SIK3: variants seen among roughly 807,000 people sequenced by gnomAD.
SIK3 encodes SIK family kinase 3, also known as serine/threonine-protein kinase SIK3.
SIK3 carries 28 observed loss-of-function variants against 144.2 expected under a neutral mutation model. The observed-to-expected ratio is 0.19, with a 90% CI of 0.14 to 0.27. SIK3 has a LOEUF of 0.27. Among genes scored for constraint, SIK3 ranks in the 10% least tolerant of loss-of-function variants. SIK3 has a pLI of 1.00. For synonymous variants in SIK3, 686 were observed against 676.3 expected (o/e 1.01, Z -0.22); for missense variants, 1,319 against 1,776.0 (o/e 0.74, Z 4.62).
At chr11:117,016,539 C>A (rs1951551668) in intron 1 of SIK3, among the ~76,000 whole-genome samples, 1 of 151,488 alleles carries the variant, frequency 6.6e-6, no homozygotes, top group Admixed American at 6.6e-5. Flanking sequence ...TTGAGCTAAG[C>A]ACAGTGGTTC....
At chr11:116,883,079 G>A (rs1047443585) in intron 6 of SIK3, among the ~76,000 whole-genome samples, 6 of 152,146 alleles carry the variant, frequency 3.9e-5, no homozygotes, top group African/African-American at 7.2e-5. Context: ...TGTCCAGCTC[G>A]GGTACCAGCC....
intron 1 of SIK3, among the ~76,000 whole-genome samples, chr11:116,995,240 C>G (rs1163537712): frequency 1.3e-5 from 2 of 148,704 alleles, no homozygotes; most frequent in Admixed American, 1.3e-4. Flanking sequence ...GCACTCCAGC[C>G]TAGGCGACAG....
intron 1 of SIK3, among the ~76,000 whole-genome samples, chr11:116,979,896 T>C (rs1401160692): frequency 6.6e-6 from 1 of 151,976 alleles, no homozygotes; most frequent in Non-Finnish European, 1.5e-5. Flanking sequence ...GCATAAGGGA[T>C]CCTAAGATTT....
intron 1 of SIK3, among the ~76,000 whole-genome samples, chr11:117,019,641 A>T (rs1159488917): frequency 2.0e-5 from 3 of 151,400 alleles, no homozygotes; most frequent in African/African-American, 7.3e-5. Flanking sequence ...TTTGAGACAG[A>T]GTCTCGCTGT....
At chr11:117,031,716 T>C (rs1952273553) in intron 1 of SIK3, among the ~76,000 whole-genome samples, 1 of 132,244 alleles carries the variant, frequency 7.6e-6, no homozygotes. Flanking sequence ...TTTTTTTTTG[T>C]ATATTTAGTA....
At position 117,023,621 on chromosome 11, in the gene SIK3, A is replaced by AATAT. The variant is rs1555131639; in HGVS notation, c.274-66561_274-66558dup. Among the ~76,000 whole-genome samples, 305 of 95,334 alleles carry AATAT rather than the reference A, an allele frequency of 3.2e-3. 2 individuals are homozygous for AATAT. The highest frequency in any genetic ancestry group is 4.9e-3 in the South Asian group (13 of 2,646). The allele number at this position is 95,334 out of a possible 152,430, so 62.5% of individuals were successfully genotyped here. On this transcript the variant is annotated intron_variant, in intron 1 of 24. Coordinates refer to ENST00000445177, the MANE Select transcript of SIK3 (RefSeq NM_001366686.3). Reference sequence around the variant, plus strand: ...ACAAACAAACAAACAAAAAAAAAAAAATATATATATATATATATATATATT... The same window carrying AATAT: ...ACAAACAAACAAACAAAAAAAAAAAAATATATATATATATATATATATATATATT...
At chr11:116,908,372 G>C (rs1037952777) in intron 4 of SIK3, among the ~76,000 whole-genome samples, 1 of 152,084 alleles carries the variant, frequency 6.6e-6, no homozygotes, top group African/African-American at 2.4e-5. Context: ...CCAGCTACTC[G>C]AGAGGCTGAG....
At chr11:117,017,933 A>G (rs1157996826) in intron 1 of SIK3, among the ~76,000 whole-genome samples, 3 of 152,250 alleles carry the variant, frequency 2.0e-5, no homozygotes, top group African/African-American at 7.2e-5. Flanking sequence ...GATTTTAGAT[A>G]TAAATAAATC....
At chr11:116,965,742 T>C (rs1447203736) in intron 1 of SIK3, among the ~76,000 whole-genome samples, 1 of 4,128 alleles carries the variant, frequency 2.4e-4, no homozygotes, top group Admixed American at 3.1e-3. Flanking sequence ...AAAATATATA[T>C]ATATATATAT....
At chr11:116,938,607 A>G (rs3132826) in intron 3 of SIK3, among the ~76,000 whole-genome samples, 280 of 17,040 alleles carry the variant, frequency 0.016, 6 homozygotes, top group African/African-American at 0.047. Flanking sequence ...GGAGGAGAGG[A>G]GAGGAGAGGG....
chr11:116,925,060 C>T (rs1362117752), intron 4 of SIK3, among the ~76,000 whole-genome samples: 4 of 152,078 alleles, frequency 2.6e-5, no homozygotes, highest in East Asian at 3.9e-4. Context: ...GTGGGTGGAT[C>T]GCTGGAGACC....
chr11:116,933,446 C>T (rs1269272313), intron 3 of SIK3, among the ~76,000 whole-genome samples: 1 of 152,110 alleles, frequency 6.6e-6, no homozygotes, highest in Non-Finnish European at 1.5e-5. Flanking sequence ...GCCCCATTTG[C>T]TCCTTTTTAC....
chr11:117,030,089 T>TG (rs1426099548), intron 1 of SIK3, among the ~76,000 whole-genome samples: 1 of 152,042 alleles, frequency 6.6e-6, no homozygotes. Context: ...TTGGAAACCT[T>TG]GAGTGAAGGT....
At position 117,010,886 on chromosome 11, in the gene SIK3, G is replaced by A. The variant is rs111477802; in HGVS notation, c.274-53822C>T. 7.7e-3 allele frequency among the ~76,000 whole-genome samples: 1,167 copies of A among 152,250 alleles called. 14 individuals carry two copies. Among genetic ancestry groups the A allele is most frequent in the African/African-American group, 0.024 (1,000 of 41,524 alleles). ...TGTAATCCCAGCACTTTGGAAGGCC[G>A]AGGTGGCTGGGTCACTGGAGCTCTG... On this transcript the variant is annotated intron_variant, in intron 1 of 24. Transcript: ENST00000445177.
intron 1 of SIK3, among the ~76,000 whole-genome samples, chr11:117,087,193 A>C (rs924895583): frequency 5.9e-5 from 9 of 151,678 alleles, no homozygotes; most frequent in Non-Finnish European, 1.2e-4. Context: ...TAATACCACC[A>C]CTCTGAGAGG....
chr11:116,862,849 G>A (rs61907563), intron 16 of SIK3, among the ~76,000 whole-genome samples: 8,920 of 152,134 alleles, frequency 0.059, 367 homozygotes, highest in African/African-American at 0.11. Context: ...CGAGACGGGC[G>A]GATCACCTGA....
chr11:116,915,043 T>A (rs1168934813), intron 4 of SIK3, among the ~76,000 whole-genome samples: 5 of 152,048 alleles, frequency 3.3e-5, no homozygotes, highest in Non-Finnish European at 2.9e-5. Context: ...ATCATACAAG[T>A]GACCCACACT....
At chr11:116,871,177 C>A (rs1194934755) in intron 13 of SIK3, among the ~76,000 whole-genome samples, 1 of 152,214 alleles carries the variant, frequency 6.6e-6, no homozygotes, top group Non-Finnish European at 1.5e-5. Flanking sequence ...CCATCTGCAT[C>A]CTTGCTAGCT....
chr11:117,096,663 G>A (rs1955487712), intron 1 of SIK3, among the ~76,000 whole-genome samples: 2 of 152,160 alleles, frequency 1.3e-5, no homozygotes, highest in South Asian at 4.1e-4. Context: ...GCCCTCCAGA[G>A]GAAGTGAAAC....
Sources: gnomAD v4.1 joint callset for allele counts (sites outside exome capture counted in the v4.1 genomes callset) on GRCh38, gnomAD v4.1.1 for gene constraint, MANE v1.5 for transcripts, NCBI Gene and HGNC (gene_info 2026-07-23, HGNC 2026-07-21) for gene names.